ARFGEF1: variants seen among roughly 807,000 people sequenced by gnomAD.
The protein encoded by ARFGEF1 is ARF guanine nucleotide exchange factor 1, also known as brefeldin A-inhibited guanine nucleotide-exchange protein 1.
ARFGEF1 carries 42 observed loss-of-function variants against 231.0 expected under a neutral mutation model. The ratio of observed to expected loss-of-function variants is 0.18; its 90% CI spans 0.14 to 0.24. The LOEUF (loss-of-function observed/expected upper bound fraction) is 0.24, where lower values mean the gene tolerates loss of function less well. ARFGEF1 is among the 10% of genes least tolerant of loss of function. The probability of loss-of-function intolerance (pLI) is 1.00; values close to 1 mark genes in which losing one functional copy is unlikely to be tolerated. For synonymous variants in ARFGEF1, 710 were observed against 732.3 expected (o/e 0.97, Z 0.49); for missense variants, 1,345 against 2,192.0 (o/e 0.61, Z 7.72).
At chr8:67,229,683 A>G (rs566642639) in intron 23 of ARFGEF1, among the ~76,000 whole-genome samples, 1 of 152,190 alleles carries the variant, frequency 6.6e-6, no homozygotes, top group African/African-American at 2.4e-5. Context: ...GCTCTCGCAA[A>G]ACAAAAATGA....
intron 17 of ARFGEF1, among the ~76,000 whole-genome samples, chr8:67,254,571 G>C (rs1292425792): frequency 6.6e-6 from 1 of 152,094 alleles, no homozygotes; most frequent in Non-Finnish European, 1.5e-5. Flanking sequence ...TGTGCCCGTA[G>C]TCCCAACTAT....
intron 33 of ARFGEF1, among the ~76,000 whole-genome samples, chr8:67,214,427 G>A (rs1181027930): frequency 1.3e-5 from 2 of 152,194 alleles, no homozygotes; most frequent in African/African-American, 4.8e-5. Context: ...TACAATGCAA[G>A]AAGAAGATAT....
chr8:67,192,067 TTTTTTTTTTTG>T (rs914224547), intron 5 of ARFGEF1, among the ~76,000 whole-genome samples: 12 of 119,924 alleles, frequency 1.0e-4, no homozygotes, highest in Admixed American at 3.1e-4. Context: ...TGCTGATTTG[TTTTTTTTTTTG>T]TTTTTTTTTT....
Position 67,262,346 on chromosome 8 carries a change from C to CAATT in ARFGEF1, c.2124-2421_2124-2420insAATT, listed in dbSNP as rs386726343. On this transcript the variant is annotated intron_variant, in intron 14 of 38. Transcript: ENST00000262215. ...TGAAGATGACACTGAATTGCTGTAA[C>CAATT]CTCATGATCAAACTTTAACATATGA... Among the ~76,000 whole-genome samples, 205 of 152,260 alleles carry CAATT rather than the reference C, an allele frequency of 1.3e-3. 2 individuals are homozygous for CAATT. Among genetic ancestry groups the CAATT allele is most frequent in the African/African-American group, 4.8e-3 (198 of 41,548 alleles).
At chr8:67,217,746 C>G in intron 32 of ARFGEF1, 36 bp downstream of exon 32, 1 of 1,600,528 alleles carries the variant, frequency 6.2e-7, no homozygotes, top group Non-Finnish European at 8.5e-7. Context: ...ATTCAATATA[C>G]AAATATAAAT....
intron 5 of ARFGEF1, among the ~76,000 whole-genome samples, chr8:67,184,715 T>C (rs1165675542): frequency 6.9e-6 from 1 of 145,122 alleles, no homozygotes; most frequent in Non-Finnish European, 1.5e-5. Context: ...CAGAGTGAGA[T>C]TCTGTCTAAA....
intron 15 of ARFGEF1, among the ~76,000 whole-genome samples, 185 bp from the exon 16 acceptor site, chr8:67,258,475 C>T (rs1036980613): frequency 2.6e-5 from 4 of 152,054 alleles, no homozygotes; most frequent in East Asian, 1.9e-4. Flanking sequence ...AAGGCGCCTG[C>T]TACTGCGCCC....
intron 1 of ARFGEF1, among the ~76,000 whole-genome samples, chr8:67,316,993 A>G (rs1807348098): frequency 6.6e-6 from 1 of 152,196 alleles, no homozygotes; most frequent in Non-Finnish European, 1.5e-5. Flanking sequence ...TTCAGATTCA[A>G]TCATGTGACC....
intron 1 of ARFGEF1, among the ~76,000 whole-genome samples, chr8:67,336,365 A>C (rs1219392653): frequency 6.6e-6 from 1 of 152,248 alleles, no homozygotes; most frequent in South Asian, 2.1e-4. Flanking sequence ...AAAGAAATCA[A>C]AATGGGTCTG....
At position 67,189,915 on chromosome 8, in the gene ARFGEF1, C is replaced by T. The variant is rs1353775201; in HGVS notation, c.560+10481G>A. On this transcript the variant is annotated intron_variant, in intron 5 of 5. Coordinates refer to the ARFGEF1 transcript ENST00000518789. ...TATTTGTCCATGTCAAATTAGCTACCGATCCACTAGAATGATTATAAGCAA... is the reference window on the plus strand; with the variant it reads ...TATTTGTCCATGTCAAATTAGCTACTGATCCACTAGAATGATTATAAGCAA... 5.3e-5 allele frequency among the ~76,000 whole-genome samples: 8 copies of T among 151,924 alleles called. No homozygotes were observed. The East Asian group carries it at 1.2e-3, about 22-fold the overall frequency.
chr8:67,324,968 C>A (rs1303463099), intron 1 of ARFGEF1, among the ~76,000 whole-genome samples: 2 of 150,538 alleles, frequency 1.3e-5, no homozygotes, highest in Non-Finnish European at 2.9e-5. Context: ...GGCTGGAATG[C>A]AACGGCGCTA....
At chr8:67,329,642 C>G (rs1329906892) in intron 1 of ARFGEF1, among the ~76,000 whole-genome samples, 2 of 149,700 alleles carry the variant, frequency 1.3e-5, no homozygotes, top group African/African-American at 2.4e-5. Flanking sequence ...ATTTAATTTC[C>G]AAACTCAAAA....
intron 21 of ARFGEF1, 77 bp downstream of exon 21, chr8:67,238,658 G>T: frequency 6.6e-7 from 1 of 1,516,670 alleles, no homozygotes; most frequent in Non-Finnish European, 9.0e-7. Context: ...TAACATTTAG[G>T]CATGTCAATG....
At chr8:67,338,536 C>G (rs1456825084) in intron 1 of ARFGEF1, among the ~76,000 whole-genome samples, 1 of 152,196 alleles carries the variant, frequency 6.6e-6, no homozygotes, top group African/African-American at 2.4e-5. Context: ...CAAATGGAAA[C>G]AGATTACACA....
intron 5 of ARFGEF1, 78 bp downstream of exon 5, chr8:67,296,353 C>A: frequency 7.8e-7 from 1 of 1,287,172 alleles, no homozygotes. Flanking sequence ...AAAGATTTCA[C>A]TCTAATTACT....
intron 34 of ARFGEF1, among the ~76,000 whole-genome samples, chr8:67,206,813 G>C (rs531655384): frequency 6.6e-6 from 1 of 152,368 alleles, no homozygotes; most frequent in Admixed American, 6.5e-5. Flanking sequence ...CTGCCTACTA[G>C]ACAGTCTTGG....
chr8:67,175,571 G>A (rs1831414727), exon 6 of ARFGEF1: 1 of 1,003,798 alleles, frequency 1.0e-6, no homozygotes, highest in Non-Finnish European at 1.5e-6. Flanking sequence ...GGTCCGTTTG[G>A]TCTGTAGTAC....
chr8:67,259,902 T>C lies in ARFGEF1; in HGVS notation c.2148A>G (p.Gly716=). 1.9e-6 allele frequency: 3 copies of C among 1,609,336 alleles called. No individual in the cohort carries two copies. The highest frequency in any genetic ancestry group is 2.5e-6 in the Non-Finnish European group (3 of 1,177,606). ...TCCCTTGTTCTTGGAGGTACTGTAT[T>C]CCTCTCTTTGGTTTCTTATTAAATC... ...IDLFNKKPKR[G]IQYLQEQGML... is the part of the protein sequence containing the mutation. Residue 716 remains glycine, a synonymous_variant, in exon 15 of 39, where the codon GGA becomes GGG. Transcript: ENST00000262215.
chr8:67,280,618 C>T (rs16933241), intron 7 of ARFGEF1, among the ~76,000 whole-genome samples: 2,478 of 152,244 alleles, frequency 0.016, 71 homozygotes, highest in African/African-American at 0.057. Context: ...ACAGCATTCA[C>T]CCCAAGCTTG....
Sources: allele counts gnomAD v4.1 joint callset (sites outside exome capture counted in the v4.1 genomes callset), GRCh38; gene constraint gnomAD v4.1.1; transcripts MANE v1.5; gene names NCBI Gene and HGNC (gene_info 2026-07-23, HGNC 2026-07-21).